CEP72: variants seen among roughly 807,000 people sequenced by gnomAD.
CEP72 encodes centrosomal protein of 72 kDa.
In CEP72, 78 loss-of-function variants were observed where a neutral mutation model predicts 65.7. That is an observed-to-expected ratio of 1.19 (90% CI 0.99 to 1.43). The LOEUF is 1.43. Among genes scored for constraint, CEP72 ranks in the 40% most tolerant of loss-of-function variants. CEP72 has a pLI of 0.00. For missense variants in CEP72, 914 were observed against 832.9 expected (o/e 1.10, Z -1.20); for synonymous variants, 358 against 351.7 (o/e 1.02, Z -0.20).
At position 624,724 on chromosome 5, in the gene CEP72, G is replaced by T. The variant is rs1736631176; in HGVS notation, c.512+145G>T. On this transcript the variant is annotated intron_variant, in intron 4 of 11. Transcript: ENST00000264935. The surrounding 1 kb of genome is among the most constrained non-coding windows in gnomAD (Gnocchi z 4.7). ...GGAAGGGCAGAGCCTGCCTGGCGGG[G>T]ACTCCGTGGACAGTGGGACGGGGCC... The T allele has an allele frequency of 1.5e-6, 1 of 657,928 alleles. No individual in the cohort carries two copies. The highest frequency in any genetic ancestry group is 1.8e-5 in the African/African-American group (1 of 55,838). The allele number at this position is 657,928 out of a possible 1,614,324, so 40.8% of individuals were successfully genotyped here. A position where few individuals can be genotyped will look rare whatever the true frequency, so the allele number is the denominator to read the frequency against.
At chr5:635,308 A>G (rs1737511095) in intron 5 of CEP72, 64 bp from the exon 6 acceptor site, 2 of 1,304,668 alleles carry the variant, frequency 1.5e-6, no homozygotes, top group South Asian at 1.3e-5. Flanking sequence ...TTAAAATGTA[A>G]TTTTTGATGG....
At chr5:655,087 C>T (rs191231079), downstream of CEP72, among the ~76,000 whole-genome samples, 753 of 152,180 alleles carry the variant, frequency 4.9e-3, 4 homozygotes, top group Non-Finnish European at 6.6e-3. The surrounding 1 kb of genome is among the most constrained non-coding windows in gnomAD (Gnocchi z 5.0). Context: ...TGAGGCTAGG[C>T]GGGGTGGCTC....
At chr5:673,372 G>A in the CEP72 span, among the ~76,000 whole-genome samples, 1 of 152,280 alleles carries the variant, frequency 6.6e-6, no homozygotes, top group East Asian at 1.9e-4. Flanking sequence ...GCTGCAGGAG[G>A]GAAGGACAGT....
At position 633,909 on chromosome 5, in the gene CEP72, G is replaced by T; in HGVS notation, c.653G>T (p.Ser218Ile). 3.1e-6 allele frequency: 5 copies of T among 1,612,984 alleles called. No homozygotes were observed. Among genetic ancestry groups the T allele is most frequent in the Non-Finnish European group, 4.2e-6 (5 of 1,180,044 alleles). Residue 218 changes from serine (S) to isoleucine (I), a missense_variant, in exon 5 of 12, where the codon AGC becomes ATC. Coordinates refer to ENST00000264935, the MANE Select transcript of CEP72 (RefSeq NM_018140.4). ...LGRPPGSTSFSQKGREADSRG... is the reference protein window; with the variant it reads ...LGRPPGSTSFIQKGREADSRG... ...AGGCCTCCCGGGAGCACGAGCTTCAGCCAGAAGGGGCGTGAGGCCGACTCT... is the reference window on the plus strand; with the variant it reads ...AGGCCTCCCGGGAGCACGAGCTTCATCCAGAAGGGGCGTGAGGCCGACTCT...
rs1294153604 is a variant in CEP72 at position 666,218 on chromosome 5, C to T, written n.592+119C>T. 9.9e-6 allele frequency: 14 copies of T among 1,409,238 alleles called. No homozygotes were observed. The African/African-American group carries it at 1.7e-4, about 17-fold the overall frequency. The allele number at this position is 1,409,238 out of a possible 1,614,324, so 87.3% of individuals were successfully genotyped here. A position where few individuals can be genotyped will look rare whatever the true frequency, so the allele number is the denominator to read the frequency against. On this transcript the variant is annotated intron_variant and non_coding_transcript_variant, in intron 4 of 4. Transcript: ENST00000514507. ...TGAGCAGAGCTGGACAGCCATGGCC[C>T]AGCAGCCCACAGGCTTCACCCACAG...
At chr5:642,291 T>G (rs1325232902) in intron 9 of CEP72, 1 of 983,754 alleles carries the variant, frequency 1.0e-6, no homozygotes, top group East Asian at 1.1e-4. Context: ...GAAGCCTCTG[T>G]ATTTAAACAC....
rs1258205192 is a variant in CEP72 at position 629,024 on chromosome 5, A to C, written c.512+4445A>C. On this transcript the variant is annotated intron_variant, in intron 4 of 11. Coordinates refer to ENST00000264935, the MANE Select transcript of CEP72 (RefSeq NM_018140.4). ...CAGCGTTCTGGAGAACTCAGATCGCAGGCCCCGGGGAGTGGGACTGTCCTC... is the reference window on the plus strand; with the variant it reads ...CAGCGTTCTGGAGAACTCAGATCGCCGGCCCCGGGGAGTGGGACTGTCCTC... Among the ~76,000 whole-genome samples, 40 of 146,686 alleles carry C rather than the reference A, an allele frequency of 2.7e-4. 3 individuals carry two copies. The highest frequency in any genetic ancestry group is 1.0e-3 in the African/African-American group (37 of 36,452).
chr5:620,643 G>C (rs778268946), intron 3 of CEP72, among the ~76,000 whole-genome samples: 2 of 152,222 alleles, frequency 1.3e-5, no homozygotes, highest in Non-Finnish European at 2.9e-5. Flanking sequence ...TAAACAGCAG[G>C]ATGCTGCCTG....
At chr5:668,411 CAGAG>C (rs1394368913), downstream of CEP72, among the ~76,000 whole-genome samples, 1 of 103,712 alleles carries the variant, frequency 9.6e-6, no homozygotes, top group Non-Finnish European at 1.9e-5. Context: ...GACAAGCACA[CAGAG>C]AGGGGGCCGC....
chr5:620,155 C>T lies in CEP72; in HGVS notation c.297C>T (p.Ala99=), dbSNP rs142503983. 6.2e-7 allele frequency: 1 copy of T among 1,614,138 alleles called. No homozygotes were observed. The highest frequency in any genetic ancestry group is 8.5e-7 in the Non-Finnish European group (1 of 1,179,984). The change falls in exon 3 of 12, where the codon GCC becomes GCT. Residue 99 remains alanine, a synonymous_variant. Coordinates refer to ENST00000264935, the MANE Select transcript of CEP72 (RefSeq NM_018140.4). ...TGGCAGAAGTGTTTCGGCTCCACGC[C>T]TTAACCGAGCTCGTGGATGTGGACT... The part of the protein sequence containing the change: ...SSLAEVFRLH[A]LTELVDVDFR...
rs1736286902 is a variant in CEP72 at position 620,117 on chromosome 5, T to C, written c.259T>C (p.Cys87Arg). Reference sequence around the variant, plus strand: ...GGAGAGTCTCAATCTCTACTACAACTGCATCTCCTCGTTGGCAGAAGTGTT... The same window carrying C: ...GGAGAGTCTCAATCTCTACTACAACCGCATCTCCTCGTTGGCAGAAGTGTT... ...ALESLNLYYNCISSLAEVFRL... is the reference protein window; with the variant it reads ...ALESLNLYYNRISSLAEVFRL... Residue 87 changes from cysteine to arginine, a missense_variant, in exon 3 of 12, where the codon TGC (cysteine) becomes CGC (arginine). By Grantham distance (180) the Cys-to-Arg change is radical (BLOSUM62 -3). Transcript: ENST00000264935. The C allele has an allele frequency of 6.2e-7, 1 of 1,614,192 alleles. No homozygotes were observed. Among genetic ancestry groups the C allele is most frequent in the Non-Finnish European group, 8.5e-7 (1 of 1,180,000 alleles).
chr5:667,936 GGGGCCGTGTGGGCGCCGTCAGGGAAGTGC>G, downstream of CEP72, among the ~76,000 whole-genome samples: 1 of 63,166 alleles, frequency 1.6e-5, no homozygotes. Context: ...ACACAGAGAG[GGGGCCGTGTGGGCGCCGTCAGGGAAGTGC>G]GGACAAGCAC....
intron 4 of CEP72, among the ~76,000 whole-genome samples, chr5:629,969 A>AC (rs1737115599): frequency 1.1e-4 from 2 of 18,428 alleles, no homozygotes; most frequent in Admixed American, 6.4e-4. Flanking sequence ...CGGGATTTAG[A>AC]CCAGTCCTGG....
At chr5:654,414 TGCTA>T (rs926793037), downstream of CEP72, among the ~76,000 whole-genome samples, 2 of 150,886 alleles carry the variant, frequency 1.3e-5, no homozygotes, top group African/African-American at 2.4e-5. Flanking sequence ...TGTGCTTGTG[TGCTA>T]GCTGTGTGTG....
the CEP72 span, among the ~76,000 whole-genome samples, chr5:674,205 A>G: frequency 6.6e-6 from 1 of 152,236 alleles, no homozygotes; most frequent in Admixed American, 6.5e-5. Context: ...CCTGGAACAC[A>G]CATTGGGCGG....
intron 1 of CEP72, 98 bp downstream of exon 1, chr5:612,541 G>T (rs146213502): frequency 1.6e-6 from 2 of 1,261,492 alleles, no homozygotes; most frequent in South Asian, 5.4e-5. Flanking sequence ...GGCGGGACCC[G>T]TCTACGCAGG....
Position 620,278 on chromosome 5 carries a change from G to A in CEP72, c.403+17G>A. 1 of 1,606,444 alleles carries A rather than the reference G, an allele frequency of 6.2e-7. No homozygotes were observed. Among genetic ancestry groups the A allele is most frequent in the Non-Finnish European group, 8.5e-7 (1 of 1,173,390 alleles). On this transcript the variant is annotated intron_variant, in intron 3 of 11. Transcript: ENST00000264935. ...AGCAGCTGGGTAGGCATCAGGCAGGGCCACGCTCATGCTTTTGTCCCCGTG... is the reference window on the plus strand; with the variant it reads ...AGCAGCTGGGTAGGCATCAGGCAGGACCACGCTCATGCTTTTGTCCCCGTG...
intron 11 of CEP72, 121 bp from the exon 12 acceptor site, chr5:652,867 C>T: frequency 9.1e-7 from 1 of 1,093,800 alleles, no homozygotes; most frequent in Non-Finnish European, 1.3e-6. Flanking sequence ...AGAGATAGGT[C>T]TGTGTGCAGG....
intron 3 of CEP72, chr5:665,422 G>A (rs952551778): frequency 8.4e-6 from 7 of 836,488 alleles, no homozygotes; most frequent in Admixed American, 2.8e-5. Context: ...TAAACCCTGG[G>A]ATTTATGCCC....
Sources: allele counts gnomAD v4.1 joint callset (sites outside exome capture counted in the v4.1 genomes callset), GRCh38; gene constraint gnomAD v4.1.1; non-coding constraint Gnocchi (gnomAD v3.1); transcripts MANE v1.5; gene names NCBI Gene and HGNC (gene_info 2026-07-23, HGNC 2026-07-21).